Variants in NCOA1 observed in about 807,000 individuals in gnomAD.
The protein encoded by NCOA1 is nuclear receptor coactivator 1.
NCOA1 carries 35 observed loss-of-function variants against 150.9 expected under a neutral mutation model. The observed-to-expected ratio is 0.23, with a 90% CI of 0.18 to 0.31. The LOEUF (loss-of-function observed/expected upper bound fraction) is 0.31. Ranked by LOEUF, NCOA1 falls within the 10% of genes least tolerant of loss-of-function variation. NCOA1 has a pLI of 1.00. For missense variants in NCOA1, 1,491 were observed against 1,749.3 expected (o/e 0.85, Z 2.63); for synonymous variants, 590 against 630.0 (o/e 0.94, Z 0.95).
chr2:24,618,483 C>T (rs1215381990), intron 3 of NCOA1, among the ~76,000 whole-genome samples: 1 of 152,110 alleles, frequency 6.6e-6, no homozygotes, highest in Non-Finnish European at 1.5e-5. Flanking sequence ...AGACCTTCAG[C>T]CAATGGAATT....
At chr2:24,652,674 A>C (rs1670761318) in intron 4 of NCOA1, among the ~76,000 whole-genome samples, 1 of 152,120 alleles carries the variant, frequency 6.6e-6, no homozygotes, top group Non-Finnish European at 1.5e-5. Flanking sequence ...AGTCTGGTAC[A>C]TTTGAACAGA....
At chr2:24,548,375 T>C (rs13011653) in intron 1 of NCOA1, among the ~76,000 whole-genome samples, 128,131 of 152,272 alleles carry the variant, frequency 0.84, 54,774 homozygotes, top group East Asian at 0.99. Context: ...AATTACCTCC[T>C]ACCAGGTCTT....
At chr2:24,528,344 C>CTTTTTTTCTTTTTTTTT (rs1553423965) in intron 1 of NCOA1, among the ~76,000 whole-genome samples, 1 of 125,874 alleles carries the variant, frequency 7.9e-6, no homozygotes, top group African/African-American at 3.0e-5. Flanking sequence ...CAATTTCATT[C>CTTTTTTTCTTTTTTTTT]TTTTTTTTTT....
chr2:24,751,847 A>G lies in NCOA1; in HGVS notation c.3707-135A>G, dbSNP rs1025461601. On this transcript the variant is annotated intron_variant, in intron 19 of 22. Coordinates refer to ENST00000348332, the MANE Select transcript of NCOA1 (RefSeq NM_003743.5). ...TGTTGAATGCGATATTTGTAAATAT[A>G]TTGCCTGACACAAGACAAGGCAAAT... The G allele has an allele frequency of 3.6e-6, 3 of 842,922 alleles. No homozygotes were observed. The Admixed American group carries it at 9.6e-5, about 27-fold the overall frequency. 52.2% of individuals were successfully genotyped at this position (842,922 alleles called of 1,614,324 possible). A position where few individuals can be genotyped will look rare whatever the true frequency, so the allele number is the denominator to read the frequency against.
chr2:24,621,083 T>C (rs190227402), intron 3 of NCOA1, among the ~76,000 whole-genome samples: 4 of 152,282 alleles, frequency 2.6e-5, no homozygotes, highest in Admixed American at 6.5e-5. Flanking sequence ...AGCCCTCTTA[T>C]CTACCCTGCT....
chr2:24,517,206 A>G (rs1260722029), intron 1 of NCOA1, among the ~76,000 whole-genome samples: 1 of 151,744 alleles, frequency 6.6e-6, no homozygotes, highest in Non-Finnish European at 1.5e-5. Flanking sequence ...TGGTTCTTGT[A>G]GAGAATTGAG....
At chr2:24,758,578 A>G (rs1159761231) in intron 21 of NCOA1, among the ~76,000 whole-genome samples, 1 of 151,792 alleles carries the variant, frequency 6.6e-6, no homozygotes, top group Non-Finnish European at 1.5e-5. Flanking sequence ...CAATCCTCCT[A>G]TCCCAGCCTC....
At chr2:24,721,859 ACAAT>A (rs1674372586) in intron 14 of NCOA1, among the ~76,000 whole-genome samples, 1 of 152,176 alleles carries the variant, frequency 6.6e-6, no homozygotes, top group Non-Finnish European at 1.5e-5. Flanking sequence ...TTGAAGTTTC[ACAAT>A]CAGTTTGTTT....
At chr2:24,670,370 A>G (rs186903134) in intron 6 of NCOA1, among the ~76,000 whole-genome samples, 1 of 152,214 alleles carries the variant, frequency 6.6e-6, no homozygotes, top group Non-Finnish European at 1.5e-5. Flanking sequence ...AAATTTGTAC[A>G]TGAATGTTCA....
At position 24,707,464 on chromosome 2, in the gene NCOA1, A is replaced by G. The variant is rs774124235; in HGVS notation, c.1994A>G (p.Asn665Ser). 7.4e-6 allele frequency: 12 copies of G among 1,614,070 alleles called. No homozygotes were observed. In the South Asian group the frequency reaches 1.2e-4, roughly 16 times the overall value. ...KDVLSCTGTS[N>S]SASANSSGGS... is the part of the protein sequence containing the mutation. ...GTCCTGTCTTGCACAGGCACTTCCA[A>G]CTCTGCCTCTGCTAACTCTTCAGGA... The change falls in exon 13 of 23, where the codon AAC (asparagine) becomes AGC (serine). Residue 665 changes from asparagine to serine, a missense_variant. Around this residue, in one of 8 missense-constraint regions of NCOA1, gnomAD observed 703 missense variants for 717.7 expected, o/e 0.98. Transcript: ENST00000348332.
chr2:24,726,799 T>C lies in NCOA1; in HGVS notation c.2717+93T>C, dbSNP rs72797924. On this transcript the variant is annotated intron_variant, in intron 15 of 22. Transcript: ENST00000348332. ...CAAACTACATTTCAGTCTACAGTGG[T>C]ATTTTGTGAGATATTAATAGATGTA... 5,836 of 630,554 alleles carry C rather than the reference T, an allele frequency of 9.3e-3. 41 individuals carry two copies. The highest frequency in any genetic ancestry group is 0.011 in the Non-Finnish European group (4,451 of 393,180). The allele number at this position is 630,554 out of a possible 1,614,324, so 39.1% of individuals were successfully genotyped here.
chr2:24,763,616 CTT>C (rs1179539444), intron 22 of NCOA1, among the ~76,000 whole-genome samples: 8 of 85,312 alleles, frequency 9.4e-5, no homozygotes, highest in African/African-American at 2.3e-4. Context: ...GTCTCTCTCT[CTT>C]TTTTTTTTTT....
chr2:24,672,277 C>T (rs1311247034), intron 6 of NCOA1, among the ~76,000 whole-genome samples: 1 of 152,016 alleles, frequency 6.6e-6, no homozygotes, highest in Non-Finnish European at 1.5e-5. Flanking sequence ...GTATTTGCAA[C>T]ATGTATTTAT....
chr2:24,690,253 A>G lies in NCOA1; in HGVS notation c.533-1228A>G, dbSNP rs536554310. On this transcript the variant is annotated intron_variant, in intron 8 of 22. Transcript: ENST00000348332. ...AGAACCCAGGACTTCTTACTCCAGT[A>G]TAGGTTTGTTTCCATGATTTCCTCT... 2.6e-5 allele frequency among the ~76,000 whole-genome samples: 4 copies of G among 152,330 alleles called. No individual in the cohort carries two copies. The South Asian group carries it at 6.2e-4, about 24-fold the overall frequency.
chr2:24,502,567 A>T (rs1663510494), intron 1 of NCOA1, among the ~76,000 whole-genome samples: 1 of 152,198 alleles, frequency 6.6e-6, no homozygotes, highest in African/African-American at 2.4e-5. Flanking sequence ...CTGTCAAGAT[A>T]AAGTTGTTCC....
chr2:24,764,041 G>A (rs1664929385), intron 22 of NCOA1, among the ~76,000 whole-genome samples: 1 of 152,196 alleles, frequency 6.6e-6, no homozygotes, highest in Admixed American at 6.5e-5. Flanking sequence ...GTGAGGAAAG[G>A]AAACTTCATT....
chr2:24,730,066 G>T (rs1439879043), intron 17 of NCOA1, among the ~76,000 whole-genome samples: 1 of 152,038 alleles, frequency 6.6e-6, no homozygotes, highest in Non-Finnish European at 1.5e-5. Flanking sequence ...GGATGGTCTC[G>T]ATCTGTTGAC....
chr2:24,497,628 C>T (rs185822582), intron 1 of NCOA1, among the ~76,000 whole-genome samples: 3,782 of 151,848 alleles, frequency 0.025, 156 homozygotes, highest in African/African-American at 0.085. Flanking sequence ...GCCGAGATCG[C>T]GCCATTGCAC....
intron 1 of NCOA1, among the ~76,000 whole-genome samples, chr2:24,516,981 T>TACGTATATATACGTGTATATAC (rs1558758661): frequency 3.7e-5 from 2 of 53,422 alleles, no homozygotes; most frequent in Middle Eastern, 0.012. Flanking sequence ...TATACACATA[T>TACGTATATATACGTGTATATAC]ACGTATATAT....
Sources: allele counts gnomAD v4.1 joint callset (sites outside exome capture counted in the v4.1 genomes callset), GRCh38; gene constraint gnomAD v4.1.1; regional missense constraint gnomAD v4.1.1; transcripts MANE v1.5; gene names NCBI Gene and HGNC (gene_info 2026-07-23, HGNC 2026-07-21).